The following MEF2C variants were observed in gnomAD, a reference collection of about 807,000 sequenced individuals.
MEF2C encodes the protein myocyte-specific enhancer factor 2C.
A neutral mutation model predicts 50.5 loss-of-function variants in MEF2C; 6 were observed. That is an observed-to-expected ratio of 0.12 (90% CI 0.07 to 0.23). The LOEUF (loss-of-function observed/expected upper bound fraction) is 0.23. Among genes scored for constraint, MEF2C ranks in the 10% least tolerant of loss-of-function variants. MEF2C has a pLI of 1.00. For synonymous variants in MEF2C, 183 were observed against 228.0 expected (o/e 0.80, Z 1.78); for missense variants, 276 against 605.0 (o/e 0.46, Z 5.70).
At chr5:88,822,709 T>C (rs1808965416) in intron 2 of MEF2C, among the ~76,000 whole-genome samples, 1 of 152,082 alleles carries the variant, frequency 6.6e-6, no homozygotes, top group Admixed American at 6.6e-5. Flanking sequence ...AACAGGACAA[T>C]AGAGGACATG....
intron 2 of MEF2C, among the ~76,000 whole-genome samples, chr5:88,818,577 C>G (rs774461275): frequency 2.0e-5 from 3 of 151,902 alleles, no homozygotes; most frequent in Non-Finnish European, 4.4e-5. Context: ...AAAACAGGTC[C>G]CACAAGCATA....
intron 1 of MEF2C, among the ~76,000 whole-genome samples, chr5:88,865,003 G>A (rs1826832473): frequency 6.6e-6 from 1 of 151,808 alleles, no homozygotes. Context: ...CCTGACCTCA[G>A]ATGATCCACC....
intron 3 of MEF2C, among the ~76,000 whole-genome samples, chr5:88,786,458 G>C (rs902305558): frequency 1.3e-5 from 2 of 149,710 alleles, no homozygotes; most frequent in African/African-American, 5.1e-5. Context: ...AGAATTTAGA[G>C]AGGGGAAAAA....
intron 5 of MEF2C, among the ~76,000 whole-genome samples, chr5:88,749,777 TC>T (rs1180404731): frequency 2.0e-5 from 3 of 152,232 alleles, no homozygotes; most frequent in African/African-American, 7.2e-5. Flanking sequence ...ATGCCTGTAA[TC>T]CCAGCACTTT....
intron 3 of MEF2C, among the ~76,000 whole-genome samples, chr5:88,787,780 CGT>C: frequency 6.6e-6 from 1 of 152,174 alleles, no homozygotes; most frequent in African/African-American, 2.4e-5. Flanking sequence ...CAGAAGAAAC[CGT>C]GTGCACGCAT....
intron 3 of MEF2C, among the ~76,000 whole-genome samples, chr5:88,792,583 G>A (rs1157091699): frequency 2.6e-5 from 4 of 152,136 alleles, no homozygotes; most frequent in Admixed American, 1.3e-4. Context: ...GACCAGTGCT[G>A]TCTCATAGAG....
chr5:88,837,329 G>A lies in MEF2C; in HGVS notation c.-142-13399C>T, dbSNP rs949730599. Among the ~76,000 whole-genome samples, 5 of 152,196 alleles carry A rather than the reference G, an allele frequency of 3.3e-5. No homozygotes were observed. The East Asian group carries it at 9.6e-4, about 29-fold the overall frequency. Reference sequence around the variant, plus strand: ...TTTTTTTCAGTTTTATAAAAAAAGTGCAAACATAAGATCAGGTGCAGAAAA... The same window carrying A: ...TTTTTTTCAGTTTTATAAAAAAAGTACAAACATAAGATCAGGTGCAGAAAA... On this transcript the variant is annotated intron_variant, in intron 1 of 10. Coordinates refer to ENST00000504921, the MANE Select transcript of MEF2C (RefSeq NM_002397.5).
intron 1 of MEF2C, among the ~76,000 whole-genome samples, chr5:88,826,654 T>G (rs1226115568): frequency 2.0e-5 from 3 of 151,988 alleles, no homozygotes; most frequent in Admixed American, 2.0e-4. Flanking sequence ...AGTATCAATT[T>G]GTAGGAGGCC....
chr5:88,725,451 C>CTGCAT (rs1298768154), intron 10 of MEF2C, among the ~76,000 whole-genome samples: 6 of 152,064 alleles, frequency 3.9e-5, no homozygotes, highest in Admixed American at 3.9e-4. Flanking sequence ...AATAACTTAA[C>CTGCAT]TGCATATATG....
intron 2 of MEF2C, among the ~76,000 whole-genome samples, chr5:88,806,790 A>C (rs959351046): frequency 1.3e-5 from 2 of 152,244 alleles, no homozygotes; most frequent in African/African-American, 4.8e-5. Context: ...TAAAAAATAC[A>C]AAACTGTTTA....
chr5:88,766,845 G>A, intron 3 of MEF2C: 1 of 983,660 alleles, frequency 1.0e-6, no homozygotes, highest in Non-Finnish European at 1.2e-6. Context: ...AGAAAAAAAA[G>A]CATCAACTTA....
chr5:88,838,922 A>C (rs1261262834), intron 1 of MEF2C, among the ~76,000 whole-genome samples: 3 of 152,190 alleles, frequency 2.0e-5, no homozygotes, highest in African/African-American at 4.8e-5. Flanking sequence ...ACATTATTTT[A>C]GAAGGAATTT....
At chr5:88,826,553 A>G (rs1810934457) in intron 1 of MEF2C, among the ~76,000 whole-genome samples, 1 of 152,004 alleles carries the variant, frequency 6.6e-6, no homozygotes, top group Non-Finnish European at 1.5e-5. Flanking sequence ...AGAATTAGGA[A>G]GGTCAACAAT....
At chr5:88,741,588 A>G in intron 6 of MEF2C, 1 of 983,908 alleles carries the variant, frequency 1.0e-6, no homozygotes, top group Non-Finnish European at 1.2e-6. Context: ...CTTGATTGTT[A>G]TGTAAATTAA....
In MEF2C at chr5:88,721,521, G is replaced by A. The variant is rs1276301776; in HGVS notation, c.*1083C>T. ...AGAAAGAAAATAGTTACTCAAATGT[G>A]CAACTGCACAAATATACCCCCCTCC... On this transcript the variant is annotated 3_prime_UTR_variant, in exon 11 of 11. Coordinates refer to ENST00000504921, the MANE Select transcript of MEF2C (RefSeq NM_002397.5). 6.6e-6 allele frequency: 1 copy of A among 152,476 alleles called. No individual in the cohort carries two copies. The highest frequency in any genetic ancestry group is 2.4e-5 in the African/African-American group (1 of 41,384). 9.4% of individuals were successfully genotyped at this position (152,476 alleles called of 1,614,324 possible). A position where few individuals can be genotyped will look rare whatever the true frequency, so the allele number is the denominator to read the frequency against.
intron 6 of MEF2C, chr5:88,743,931 A>G: frequency 1.1e-6 from 1 of 910,102 alleles, no homozygotes; most frequent in Non-Finnish European, 1.3e-6. Context: ...TAACCAATAT[A>G]CATAAATCTC....
intron 3 of MEF2C, among the ~76,000 whole-genome samples, chr5:88,801,293 G>A (rs1175098179): frequency 6.6e-6 from 1 of 152,074 alleles, no homozygotes; most frequent in East Asian, 1.9e-4. Context: ...TCAGTTAAAT[G>A]TATTCCATTA....
chr5:88,852,256 A>T (rs1821646046), intron 1 of MEF2C, among the ~76,000 whole-genome samples: 1 of 152,192 alleles, frequency 6.6e-6, no homozygotes, highest in Admixed American at 6.5e-5. Flanking sequence ...TAAAAAGTTA[A>T]TTTTAAAGCT....
chr5:88,777,173 A>G (rs1282759743), intron 3 of MEF2C, among the ~76,000 whole-genome samples: 1 of 152,174 alleles, frequency 6.6e-6, no homozygotes, highest in Non-Finnish European at 1.5e-5. Flanking sequence ...CAGATTCTTC[A>G]TTAGGTAATT....
Sources: gnomAD v4.1 joint callset for allele counts (sites outside exome capture counted in the v4.1 genomes callset) on GRCh38, gnomAD v4.1.1 for gene constraint, MANE v1.5 for transcripts, NCBI Gene and HGNC (gene_info 2026-07-23, HGNC 2026-07-21) for gene names.